GRID2: variants seen among roughly 807,000 people sequenced by gnomAD.
GRID2 encodes the protein glutamate receptor ionotropic, delta-2.
Under a neutral mutation model 114.8 loss-of-function variants are expected in GRID2, and 33 were observed. The ratio of observed to expected loss-of-function variants is 0.29; its 90% CI spans 0.22 to 0.38. GRID2 has a LOEUF of 0.38. GRID2 is among the 10% of genes least tolerant of loss of function. GRID2 has a pLI of 1.00. For missense variants in GRID2, 1,184 were observed against 1,257.7 expected (o/e 0.94, Z 0.89); for synonymous variants, 505 against 449.9 (o/e 1.12, Z -1.55).
At chr4:92,493,157 T>C (rs1332541188) in intron 1 of GRID2, among the ~76,000 whole-genome samples, 1 of 151,308 alleles carries the variant, frequency 6.6e-6, no homozygotes, top group Non-Finnish European at 1.5e-5. Flanking sequence ...AGAATTGAAT[T>C]GAATAAAGTT....
At chr4:92,761,876 T>A (rs533683521) in intron 2 of GRID2, among the ~76,000 whole-genome samples, 1 of 152,310 alleles carries the variant, frequency 6.6e-6, no homozygotes, top group East Asian at 1.9e-4. Context: ...GACTTCGATT[T>A]GAAAATATAA....
chr4:93,631,806 G>C (rs1188493340), intron 14 of GRID2, among the ~76,000 whole-genome samples: 1 of 152,190 alleles, frequency 6.6e-6, no homozygotes, highest in African/African-American at 2.4e-5. Context: ...CTTCCACAAT[G>C]ATTGTACTAG....
At chr4:93,035,127 G>T (rs538885786) in intron 2 of GRID2, among the ~76,000 whole-genome samples, 3 of 146,638 alleles carry the variant, frequency 2.0e-5, no homozygotes, top group South Asian at 2.1e-4. Context: ...TTTTTCTGAG[G>T]CAGAGTCTTA....
Position 92,822,132 on chromosome 4 carries a change from G to A in GRID2, c.244+231846G>A, listed in dbSNP as rs75467853. 4.1e-3 allele frequency: 1,391 copies of A among 342,310 alleles called. 8 individuals are homozygous for A. Among genetic ancestry groups the A allele is most frequent in the Non-Finnish European group, 4.2e-3 (744 of 175,212 alleles). The allele number at this position is 342,310 out of a possible 1,614,324, so 21.2% of individuals were successfully genotyped here. A position where few individuals can be genotyped will look rare whatever the true frequency, so the allele number is the denominator to read the frequency against. ...AACTTCTTGCTTAATTTCTATGGTG[G>A]TCTTGCCTTCTAAGTCCCAGATCTT... is the stretch of plus-strand genomic sequence containing the variant. On this transcript the variant is annotated intron_variant, in intron 2 of 15. Transcript: ENST00000282020.
intron 1 of GRID2, among the ~76,000 whole-genome samples, chr4:93,799,154 A>T (rs899114338): frequency 2.0e-5 from 3 of 152,172 alleles, no homozygotes; most frequent in Admixed American, 6.5e-5. Context: ...CCTCAGTATT[A>T]TTGTGGCTAG....
At chr4:93,383,220 G>A (rs751068544) in intron 8 of GRID2, among the ~76,000 whole-genome samples, 3 of 152,150 alleles carry the variant, frequency 2.0e-5, no homozygotes, top group Non-Finnish European at 4.4e-5. Flanking sequence ...TGCAACAACA[G>A]TGACTACCTA....
chr4:92,308,268 A>T lies in GRID2; in HGVS notation c.88+3524A>T, dbSNP rs185390926. On this transcript the variant is annotated intron_variant, in intron 1 of 15. Coordinates refer to ENST00000282020, the MANE Select transcript of GRID2 (RefSeq NM_001510.4). ...ATCTCATGTTTTAACAGTTTAATAT[A>T]TGCTCCTTTCTTTATCTGGTTCCTG... Among the ~76,000 whole-genome samples the T allele has an allele frequency of 2.0e-5, 3 of 152,272 alleles. No individual in the cohort carries two copies. The East Asian group carries it at 5.8e-4, about 29-fold the overall frequency.
intron 3 of GRID2, among the ~76,000 whole-genome samples, chr4:93,107,951 C>G (rs1469143189): frequency 6.6e-6 from 1 of 150,778 alleles, no homozygotes; most frequent in African/African-American, 2.4e-5. Flanking sequence ...CTTCCTGTGT[C>G]TCACAGAGAT....
At position 93,200,564 on chromosome 4, in the gene GRID2, T is replaced by TCAAAAAAAAAAAAA. The variant is rs1435472474; in HGVS notation, c.736-6835_736-6834insAAAAAAAAACAAAA. Among the ~76,000 whole-genome samples, 86 of 114,480 alleles carry TCAAAAAAAAAAAAA rather than the reference T, an allele frequency of 7.5e-4. 1 individual carries two copies. Among genetic ancestry groups the TCAAAAAAAAAAAAA allele is most frequent in the African/African-American group, 3.3e-3 (83 of 25,206 alleles). 75.1% of individuals were successfully genotyped at this position (114,480 alleles called of 152,430 possible). A position where few individuals can be genotyped will look rare whatever the true frequency, so the allele number is the denominator to read the frequency against. On this transcript the variant is annotated intron_variant, in intron 4 of 15. Coordinates refer to ENST00000282020, the MANE Select transcript of GRID2 (RefSeq NM_001510.4). ...CTGGGCGACAGAGCGAGACTCCGTC[T>TCAAAAAAAAAAAAA]CAAAACAAACAAACAAACAAACAAA...
At position 92,855,671 on chromosome 4, in the gene GRID2, A is replaced by G. The variant is rs190298679; in HGVS notation, c.245-229324A>G. ...GAAAGTGATAAGTTAATATAAATAG[A>G]AAAATAACCATTGTTGTTTATAGGA... On this transcript the variant is annotated intron_variant, in intron 2 of 15. Transcript: ENST00000282020. Among the ~76,000 whole-genome samples the G allele has an allele frequency of 2.2e-3, 329 of 152,102 alleles. 1 individual carries two copies. The highest frequency in any genetic ancestry group is 7.6e-3 in the African/African-American group (316 of 41,564).
chr4:92,688,991 CA>C (rs999668086), intron 2 of GRID2, among the ~76,000 whole-genome samples: 62 of 152,226 alleles, frequency 4.1e-4, no homozygotes, highest in Middle Eastern at 3.4e-3. Context: ...AGTACACAAA[CA>C]AGGAGATTTA....
intron 14 of GRID2, among the ~76,000 whole-genome samples, chr4:93,690,816 G>C (rs1264083207): frequency 1.3e-5 from 2 of 150,934 alleles, no homozygotes; most frequent in Non-Finnish European, 1.5e-5. Context: ...CCAATATAAT[G>C]AAATGAAAGG....
chr4:93,163,356 GTATATATATATATATATA>G lies in GRID2; in HGVS notation c.736-44021_736-44004del, dbSNP rs57285537. Among the ~76,000 whole-genome samples, 109 of 56,250 alleles carry G rather than the reference GTATATATATATATATATA, an allele frequency of 1.9e-3. 1 individual carries two copies. Among genetic ancestry groups the G allele is most frequent in the East Asian group, 2.9e-3 (6 of 2,042 alleles). The allele number at this position is 56,250 out of a possible 152,430, so 36.9% of individuals were successfully genotyped here. A position where few individuals can be genotyped will look rare whatever the true frequency, so the allele number is the denominator to read the frequency against. The stretch of plus-strand genomic sequence containing the variant: ...TTTCCACTTCTGATTTTTTTTTTGT[GTATATATATATATATATA>G]TATATATATATATATATATATATAT... On this transcript the variant is annotated intron_variant, in intron 4 of 15. Coordinates refer to ENST00000282020, the MANE Select transcript of GRID2 (RefSeq NM_001510.4).
chr4:93,238,607 A>G, intron 8 of GRID2, 117 bp downstream of exon 8: 2 of 619,436 alleles, frequency 3.2e-6, no homozygotes, highest in Non-Finnish European at 5.1e-6. Flanking sequence ...GTGAAAGAGA[A>G]AGCAGGGGGT....
At chr4:93,383,686 T>C (rs1170967553) in intron 8 of GRID2, among the ~76,000 whole-genome samples, 2 of 152,184 alleles carry the variant, frequency 1.3e-5, no homozygotes, top group Non-Finnish European at 2.9e-5. Flanking sequence ...GGACTATGGC[T>C]GTGAGAAATG....
At chr4:92,711,227 C>A (rs1038567570) in intron 2 of GRID2, among the ~76,000 whole-genome samples, 1 of 152,172 alleles carries the variant, frequency 6.6e-6, no homozygotes, top group Non-Finnish European at 1.5e-5. Context: ...ATGCTAATGG[C>A]AATTCATTCC....
chr4:93,737,781 A>C (rs1731051358), intron 14 of GRID2, among the ~76,000 whole-genome samples: 1 of 152,156 alleles, frequency 6.6e-6, no homozygotes, highest in Non-Finnish European at 1.5e-5. Flanking sequence ...CTATATACAG[A>C]TATAGTCAAG....
Position 92,557,645 on chromosome 4 carries a change from T to TTATATA in GRID2, c.89-32475_89-32470dup, listed in dbSNP as rs138046427. Among the ~76,000 whole-genome samples, 92 of 142,682 alleles carry TTATATA rather than the reference T, an allele frequency of 6.4e-4. 2 individuals carry two copies. The highest frequency in any genetic ancestry group is 4.9e-3 in the South Asian group (22 of 4,474). 93.6% of individuals were successfully genotyped at this position (142,682 alleles called of 152,430 possible). A position where few individuals can be genotyped will look rare whatever the true frequency, so the allele number is the denominator to read the frequency against. The stretch of plus-strand genomic sequence containing the variant: ...TACTTCACTGCATATATATATATGG[T>TTATATA]TATATATATATATATAACCAAACTG... On this transcript the variant is annotated intron_variant, in intron 1 of 15. Transcript: ENST00000282020.
intron 2 of GRID2, among the ~76,000 whole-genome samples, chr4:92,905,997 G>A (rs1206765232): frequency 6.6e-6 from 1 of 152,128 alleles, no homozygotes; most frequent in Non-Finnish European, 1.5e-5. Context: ...ACAAATGGGT[G>A]TAGGGGGTAG....
Sources: allele counts gnomAD v4.1 joint callset (sites outside exome capture counted in the v4.1 genomes callset), GRCh38; gene constraint gnomAD v4.1.1; transcripts MANE v1.5; gene names NCBI Gene and HGNC (gene_info 2026-07-23, HGNC 2026-07-21).